The following UGT1A3 variants were observed in gnomAD, a reference collection of about 807,000 sequenced individuals.
UGT1A3 encodes UDP-glucuronosyltransferase 1A3.
A neutral mutation model predicts 41.0 loss-of-function variants in UGT1A3; 31 were observed. The ratio of observed to expected loss-of-function variants is 0.76; its 90% CI spans 0.57 to 1.02. The LOEUF is 1.02. Ranked by LOEUF, UGT1A3 falls within the 50% of genes least tolerant of loss-of-function variation. UGT1A3 has a pLI of 0.00. For synonymous variants in UGT1A3, 262 were observed against 257.6 expected (o/e 1.02, Z -0.17); for missense variants, 737 against 671.0 (o/e 1.10, Z -1.09).
intron 1 of UGT1A3, chr2:233,754,778 A>G (rs1399549713): frequency 3.5e-6 from 4 of 1,127,052 alleles, no homozygotes; most frequent in Non-Finnish European, 3.6e-6. Flanking sequence ...CCAGGGAGCC[A>G]AAGGAACGAA....
intron 1 of UGT1A3, among the ~76,000 whole-genome samples, chr2:233,766,396 G>A (rs1050069085): frequency 2.0e-5 from 3 of 152,150 alleles, no homozygotes; most frequent in East Asian, 3.9e-4. Context: ...CTGTCCTTGC[G>A]TCCCTCCGCT....
At chr2:233,748,709 G>T (rs1302757653) in intron 1 of UGT1A3, among the ~76,000 whole-genome samples, 2 of 151,634 alleles carry the variant, frequency 1.3e-5, no homozygotes, top group East Asian at 3.9e-4. Flanking sequence ...AGGATTTGGG[G>T]TCTGGTGCAT....
chr2:233,755,331 G>A (rs568550751), intron 1 of UGT1A3: 25 of 462,098 alleles, frequency 5.4e-5, no homozygotes, highest in Admixed American at 1.1e-4. Flanking sequence ...GCCAGCACCC[G>A]CGCACAGGTC....
In UGT1A3 at chr2:233,769,855, CT is replaced by C; in HGVS notation, c.1307+1417del. 1 of 372,068 alleles carries C rather than the reference CT, an allele frequency of 2.7e-6. No individual in the cohort carries two copies. Among genetic ancestry groups the C allele is most frequent in the Non-Finnish European group, 4.4e-6 (1 of 226,688 alleles). The allele number at this position is 372,068 out of a possible 1,614,324, so 23.0% of individuals were successfully genotyped here. A position where few individuals can be genotyped will look rare whatever the true frequency, so the allele number is the denominator to read the frequency against. On this transcript the variant is annotated intron_variant, in intron 4 of 4. Coordinates refer to ENST00000482026, the MANE Select transcript of UGT1A3 (RefSeq NM_019093.4). This position sits in a 1 kb window ranked among gnomAD's most constrained non-coding sequence, Gnocchi z 4.4. ...CCTGGGCAACAGAGTGAGACCCTGT[CT>C]CAAAAAAAAAAAAAAAAATGAAAAG... is the stretch of plus-strand genomic sequence containing the variant.
In UGT1A3 at chr2:233,768,367, T is replaced by C; in HGVS notation, c.1235T>C (p.Val412Ala). 6.2e-7 allele frequency: 1 copy of C among 1,614,082 alleles called. No individual in the cohort carries two copies. The highest frequency in any genetic ancestry group is 8.5e-7 in the Non-Finnish European group (1 of 1,180,022). The change falls in exon 4 of 5, where the codon GTG (valine) becomes GCG (alanine). Residue 412 changes from valine to alanine, a missense_variant. Val to Ala is a moderately conservative substitution (Grantham distance 64). Transcript: ENST00000482026. The stretch of plus-strand genomic sequence containing the variant: ...CGCATGGAGACTAAGGGAGCTGGAG[T>C]GACCCTGAATGTTCTGGAAATGACT... ...AKRMETKGAG[V>A]TLNVLEMTSE...
chr2:233,739,706 G>A (rs760194207), intron 1 of UGT1A3, among the ~76,000 whole-genome samples: 1 of 152,190 alleles, frequency 6.6e-6, no homozygotes, highest in Non-Finnish European at 1.5e-5. Context: ...ACAGGCTCAT[G>A]GGGGAAGGGA....
intron 1 of UGT1A3, chr2:233,754,687 C>T: frequency 2.1e-6 from 1 of 485,706 alleles, no homozygotes; most frequent in South Asian, 1.5e-5. Context: ...TCAACTATTT[C>T]AGTGGAAGTC....
chr2:233,761,189 T>C (rs763009411), intron 1 of UGT1A3: 1 of 1,614,202 alleles, frequency 6.2e-7, no homozygotes, highest in South Asian at 1.1e-5. Context: ...GCGTATATTC[T>C]TTCAGATGTA....
rs370250320 is a variant in UGT1A3 at position 233,729,792 on chromosome 2, C to A, written c.666C>A (p.Tyr222Ter). ...KNMLYPLALS[Y>*]ICHAFSAPYA... ...TGCTCTACCCTCTGGCCCTGTCCTA[C>A]ATTTGCCATGCTTTTTCTGCTCCTT... The change falls in exon 1 of 5, where the codon TAC becomes TAA. Residue 222 changes from tyrosine to a stop codon, truncating the protein, a stop_gained. Coordinates refer to ENST00000482026, the MANE Select transcript of UGT1A3 (RefSeq NM_019093.4). LOFTEE classifies it high-confidence loss of function. The A allele has an allele frequency of 4.3e-6, 7 of 1,613,982 alleles. No homozygotes were observed. The highest frequency in any genetic ancestry group is 2.2e-5 in the East Asian group (1 of 44,884).
intron 1 of UGT1A3, among the ~76,000 whole-genome samples, chr2:233,735,766 T>C (rs2078690573): frequency 1.3e-5 from 2 of 152,218 alleles, no homozygotes; most frequent in African/African-American, 4.8e-5. Flanking sequence ...CCTTCACTTA[T>C]GAAGCTTACT....
intron 1 of UGT1A3, among the ~76,000 whole-genome samples, chr2:233,759,538 A>T (rs1009544779): frequency 6.6e-6 from 1 of 152,036 alleles, no homozygotes. Context: ...TTCTGTTCAC[A>T]TGCGCTCCAG....
chr2:233,758,617 T>TGC (rs1696928480), intron 1 of UGT1A3, among the ~76,000 whole-genome samples: 1 of 152,162 alleles, frequency 6.6e-6, no homozygotes, highest in Non-Finnish European at 1.5e-5. Flanking sequence ...TGCATGTGCA[T>TGC]GCAAAGTACC....
chr2:233,760,274 G>C (rs1697379637), intron 1 of UGT1A3: 1 of 1,612,450 alleles, frequency 6.2e-7, no homozygotes, highest in African/African-American at 1.3e-5. Context: ...ACCTCTGGCA[G>C]GAGCAAAGGC....
At position 233,738,264 on chromosome 2, in the gene UGT1A3, G is replaced by A. The variant is rs569089300; in HGVS notation, c.867+8271G>A. 5.9e-5 allele frequency among the ~76,000 whole-genome samples: 9 copies of A among 152,250 alleles called. No individual in the cohort carries two copies. The East Asian group carries it at 1.7e-3, about 29-fold the overall frequency. On this transcript the variant is annotated intron_variant, in intron 1 of 4. Transcript: ENST00000482026. ...CCACATGGAACTGGAGTCAATTAAA[G>A]CTCTTTCCTTTATAAATTACCCAGT...
chr2:233,732,918 G>A (rs1288769205), intron 1 of UGT1A3, among the ~76,000 whole-genome samples: 3 of 151,996 alleles, frequency 2.0e-5, no homozygotes, highest in Non-Finnish European at 2.9e-5. Flanking sequence ...CCATTTTCAC[G>A]ATATTGATTC....
chr2:233,761,671 C>T (rs1489520357), intron 1 of UGT1A3, among the ~76,000 whole-genome samples: 1 of 152,240 alleles, frequency 6.6e-6, no homozygotes, highest in Non-Finnish European at 1.5e-5. Flanking sequence ...ACCAGACAGT[C>T]AGGTTCTGAC....
Position 233,768,222 on chromosome 2 carries a change from C to G in UGT1A3, c.1090C>G (p.His364Asp). 1 of 1,614,186 alleles carries G rather than the reference C, an allele frequency of 6.2e-7. No homozygotes were observed. Among genetic ancestry groups the G allele is most frequent in the Non-Finnish European group, 8.5e-7 (1 of 1,180,046 alleles). The change falls in exon 4 of 5, where the codon CAC becomes GAC. Residue 364 changes from histidine to aspartate, a missense_variant and splice_region_variant. His to Asp is a moderately conservative substitution (Grantham distance 81, BLOSUM62 -1). Coordinates refer to ENST00000482026, the MANE Select transcript of UGT1A3 (RefSeq NM_019093.4). ...ATCCTCCCTATTTTGCATCTCAGGT[C>G]ACCCGATGACCCGTGCCTTTATCAC... ...KWLPQNDLLG[H>D]PMTRAFITHA... is the part of the protein sequence containing the mutation.
intron 1 of UGT1A3, chr2:233,760,357 G>T: frequency 6.2e-7 from 1 of 1,614,100 alleles, no homozygotes; most frequent in South Asian, 1.1e-5. Flanking sequence ...GGGCCCAGTG[G>T]TGTCCCATGC....
At chr2:233,765,091 C>T (rs1473276364) in intron 1 of UGT1A3, among the ~76,000 whole-genome samples, 1 of 152,110 alleles carries the variant, frequency 6.6e-6, no homozygotes, top group Non-Finnish European at 1.5e-5. Context: ...TCTAGGGTGA[C>T]CAGCATCCTG....
Sources: allele counts gnomAD v4.1 joint callset (sites outside exome capture counted in the v4.1 genomes callset), GRCh38; gene constraint gnomAD v4.1.1; non-coding constraint Gnocchi (gnomAD v3.1); transcripts MANE v1.5; gene names NCBI Gene and HGNC (gene_info 2026-07-23, HGNC 2026-07-21).